Variants in SFMBT2 observed in about 807,000 individuals in gnomAD.
The protein encoded by SFMBT2 is Scm like with four mbt domains 2, also known as scm-like with four MBT domains protein 2.
Under a neutral mutation model 110.1 loss-of-function variants are expected in SFMBT2, and 38 were observed. The observed-to-expected ratio is 0.35, with a 90% CI of 0.27 to 0.45. SFMBT2 has a LOEUF of 0.45. Among genes scored for constraint, SFMBT2 ranks in the 20% least tolerant of loss-of-function variants. SFMBT2 has a pLI of 1.00. For synonymous variants in SFMBT2, 425 were observed against 425.4 expected (o/e 1.00, Z 0.01); for missense variants, 1,011 against 1,094.9 (o/e 0.92, Z 1.08).
At position 7,322,836 on chromosome 10, in the gene SFMBT2, G is replaced by A. The variant is rs1843238417; in HGVS notation, c.437-36882C>T. 2.0e-5 allele frequency among the ~76,000 whole-genome samples: 3 copies of A among 152,202 alleles called. No individual in the cohort carries two copies. The South Asian group carries it at 6.2e-4, about 32-fold the overall frequency. On this transcript the variant is annotated intron_variant, in intron 4 of 20. Transcript: ENST00000397167. ...AAGGCCAAAAATGAAGCTTTGACCA[G>A]GGCATGGGAAAACTTGGATTACTGC...
chr10:7,328,019 T>C (rs918118262), intron 4 of SFMBT2, among the ~76,000 whole-genome samples: 1 of 152,216 alleles, frequency 6.6e-6, no homozygotes, highest in African/African-American at 2.4e-5. Flanking sequence ...TGGGTGTATG[T>C]TTAAAGTTGT....
intron 20 of SFMBT2, among the ~76,000 whole-genome samples, chr10:7,167,395 G>C (rs1029324961): frequency 6.6e-6 from 1 of 152,162 alleles, no homozygotes; most frequent in African/African-American, 2.4e-5. Context: ...TAACATTTCA[G>C]AAATAAAAGG....
chr10:7,323,738 A>C (rs971134096), intron 4 of SFMBT2, among the ~76,000 whole-genome samples: 1 of 152,220 alleles, frequency 6.6e-6, no homozygotes, highest in African/African-American at 2.4e-5. Flanking sequence ...AAGAAAGTAC[A>C]TATTGATAAA....
intron 4 of SFMBT2, among the ~76,000 whole-genome samples, chr10:7,335,581 A>AC (rs1181394640): frequency 1.9e-5 from 2 of 104,266 alleles, no homozygotes; most frequent in African/African-American, 3.6e-5. Flanking sequence ...ACAGAAACAG[A>AC]AACACACACA....
In SFMBT2 at chr10:7,301,063, TGAAG is replaced by T. The variant is rs1459402287; in HGVS notation, c.437-15113_437-15110del. Among the ~76,000 whole-genome samples the T allele has an allele frequency of 6.6e-6, 1 of 152,092 alleles. No homozygotes were observed. The highest frequency in any genetic ancestry group is 1.9e-4 in the East Asian group (1 of 5,180). On this transcript the variant is annotated intron_variant, in intron 4 of 20. Transcript: ENST00000397167. The surrounding 1 kb of genome is among the most constrained non-coding windows in gnomAD (Gnocchi z 4.2). ...ACAGGAATGTAAGCAGGTAACTCAG[TGAAG>T]GAAGGAGTAAACCCCAGATACCGTG... is the stretch of plus-strand genomic sequence containing the variant.
chr10:7,233,794 C>T (rs568043219), intron 9 of SFMBT2, among the ~76,000 whole-genome samples: 2 of 152,344 alleles, frequency 1.3e-5, no homozygotes, highest in South Asian at 4.1e-4. Context: ...ATTCCTTGAA[C>T]ACCCACTAAA....
chr10:7,168,202 G>GGAA (rs1837754268), intron 20 of SFMBT2, among the ~76,000 whole-genome samples: 1 of 152,160 alleles, frequency 6.6e-6, no homozygotes, highest in South Asian at 2.1e-4. Context: ...ATATAAGAAA[G>GGAA]GAAGACTCAA....
chr10:7,357,062 C>A (rs1056523975), intron 4 of SFMBT2, among the ~76,000 whole-genome samples: 1 of 152,210 alleles, frequency 6.6e-6, no homozygotes, highest in Non-Finnish European at 1.5e-5. Context: ...CTGTTAAGGG[C>A]ATCTATATTC....
intron 4 of SFMBT2, among the ~76,000 whole-genome samples, chr10:7,288,851 A>G (rs1030095327): frequency 4.2e-5 from 4 of 94,374 alleles, no homozygotes; most frequent in African/African-American, 1.9e-4. Context: ...CAATATGGTG[A>G]AACCCCCCCC....
In SFMBT2 at chr10:7,192,753, T is replaced by A. The variant is rs181044096; in HGVS notation, c.1699-4020A>T. Among the ~76,000 whole-genome samples the A allele has an allele frequency of 1.2e-4, 19 of 152,326 alleles. No homozygotes were observed. In the East Asian group the frequency reaches 3.7e-3, roughly 29 times the overall value. ...CAGGTGACCAGGAGCCAGAGTCACC[T>A]GAGCCCTTTGGGGGTCGGAGGTCAC... On this transcript the variant is annotated intron_variant, in intron 15 of 20. Transcript: ENST00000397167.
intron 4 of SFMBT2, among the ~76,000 whole-genome samples, chr10:7,319,742 G>C (rs1048791540): frequency 6.6e-5 from 8 of 121,640 alleles, no homozygotes; most frequent in African/African-American, 1.5e-4. Flanking sequence ...GGAAGATAGA[G>C]AGACAGAGAG....
rs760008467 is a variant in SFMBT2 at position 7,392,983 on chromosome 10, TTATATATATATATA to T, written c.-51-11048_-51-11035del. 9.1e-3 allele frequency among the ~76,000 whole-genome samples: 548 copies of T among 59,938 alleles called. 6 individuals carry two copies. Among genetic ancestry groups the T allele is most frequent in the East Asian group, 0.057 (58 of 1,018 alleles). The allele number at this position is 59,938 out of a possible 152,430, so 39.3% of individuals were successfully genotyped here. ...CTATATATACAAGTATGTGGATAGA[TTATATATATATATA>T]TATATATATATATATATATATATAT... On this transcript the variant is annotated intron_variant, in intron 1 of 20. Transcript: ENST00000397167.
At chr10:7,235,626 A>C (rs1016212560) in intron 9 of SFMBT2, among the ~76,000 whole-genome samples, 46 of 151,912 alleles carry the variant, frequency 3.0e-4, no homozygotes, top group African/African-American at 8.9e-4. Context: ...ACACACACAC[A>C]CCCCACATAC....
intron 4 of SFMBT2, among the ~76,000 whole-genome samples, chr10:7,347,752 T>C (rs61837689): frequency 0.073 from 11,069 of 152,194 alleles, 521 homozygotes; most frequent in Non-Finnish European, 0.11. Flanking sequence ...AAACATACTG[T>C]ACTTTGATGA....
chr10:7,211,115 G>A (rs1482943085), intron 11 of SFMBT2, among the ~76,000 whole-genome samples: 1 of 152,130 alleles, frequency 6.6e-6, no homozygotes, highest in Admixed American at 6.5e-5. Flanking sequence ...ATTTAAACCT[G>A]GGCAGTCCAG....
At chr10:7,287,828 G>T (rs928061223) in intron 4 of SFMBT2, among the ~76,000 whole-genome samples, 4 of 152,182 alleles carry the variant, frequency 2.6e-5, no homozygotes, top group African/African-American at 9.6e-5. Context: ...CCCAACGGGG[G>T]ATCCACCATC....
chr10:7,320,485 C>G, intron 4 of SFMBT2: 4 of 578,008 alleles, frequency 6.9e-6, no homozygotes, highest in Non-Finnish European at 8.7e-6. Context: ...ATCTTCTTTC[C>G]TTCTATTTTT....
At chr10:7,204,279 G>C in intron 12 of SFMBT2, 1 of 915,124 alleles carries the variant, frequency 1.1e-6, no homozygotes, top group African/African-American at 1.8e-5. Context: ...CTGAAACTCT[G>C]TCGCCATCAG....
chr10:7,284,974 A>T (rs1430297388), intron 5 of SFMBT2: 2 of 152,260 alleles, frequency 1.3e-5, no homozygotes, highest in Non-Finnish European at 2.9e-5. Flanking sequence ...TAACAAATAC[A>T]TCAGGCAAAA....
Sources: allele counts gnomAD v4.1 joint callset (sites outside exome capture counted in the v4.1 genomes callset), GRCh38; gene constraint gnomAD v4.1.1; non-coding constraint Gnocchi (gnomAD v3.1); transcripts MANE v1.5; gene names NCBI Gene and HGNC (gene_info 2026-07-23, HGNC 2026-07-21).